SCN2A: variants seen among roughly 807,000 people sequenced by gnomAD.
SCN2A encodes sodium voltage-gated channel alpha subunit 2, also known as sodium channel protein type 2 subunit alpha.
SCN2A carries 20 observed loss-of-function variants against 188.7 expected under a neutral mutation model. That is an observed-to-expected ratio of 0.11 (90% CI 0.07 to 0.15). The LOEUF is 0.15. Among genes scored for constraint, SCN2A ranks in the 10% least tolerant of loss-of-function variants. The pLI, the probability that SCN2A is intolerant of heterozygous loss-of-function variation, is 1.00. For missense variants in SCN2A, 1,278 were observed against 2,445.0 expected (o/e 0.52, Z 10.07); for synonymous variants, 804 against 833.1 (o/e 0.97, Z 0.60).
At chr2:165,299,047 T>C (rs565699816) in intron 3 of SCN2A, among the ~76,000 whole-genome samples, 8 of 152,280 alleles carry the variant, frequency 5.3e-5, no homozygotes, top group African/African-American at 1.7e-4. Context: ...AAAGCAGATT[T>C]TTGTTTTAAA....
chr2:165,303,690 AT>A (rs1416391464), intron 3 of SCN2A, among the ~76,000 whole-genome samples: 1 of 152,162 alleles, frequency 6.6e-6, no homozygotes, highest in African/African-American at 2.4e-5. Context: ...AACTTAGTGA[AT>A]TTTAAGCCTT....
intron 16 of SCN2A, among the ~76,000 whole-genome samples, chr2:165,350,622 G>A (rs964606044): frequency 6.1e-5 from 9 of 147,354 alleles, no homozygotes; most frequent in Non-Finnish European, 9.0e-5. Flanking sequence ...ACAGGCGCCC[G>A]CCACTACACC....
In SCN2A at chr2:165,354,568, C is replaced by T; in HGVS notation, c.3296C>T (p.Pro1099Leu). 1 of 1,614,004 alleles carries T rather than the reference C, an allele frequency of 6.2e-7. No individual in the cohort carries two copies. The highest frequency in any genetic ancestry group is 8.5e-7 in the Non-Finnish European group (1 of 1,179,954). ...ESDYMSFINN[P>L]SLTVTVPIAV... ...GATTACATGTCATTTATAAACAACCCTAGCCTCACTGTGACAGTACCAATT... is the reference window on the plus strand; with the variant it reads ...GATTACATGTCATTTATAAACAACCTTAGCCTCACTGTGACAGTACCAATT... Residue 1099 changes from proline (P) to leucine (L), a missense_variant, in exon 17 of 27, where the codon CCT (proline) becomes CTT (leucine). Physicochemically the swap from Pro to Leu is moderately conservative, Grantham distance 98 (BLOSUM62 -3). Coordinates refer to ENST00000375437, the MANE Select transcript of SCN2A (RefSeq NM_001040142.2).
Position 165,384,678 on chromosome 2 carries a change from A to G in SCN2A, c.4552-2068A>G, listed in dbSNP as rs543365964. Among the ~76,000 whole-genome samples the G allele has an allele frequency of 4.6e-5, 7 of 152,266 alleles. No homozygotes were observed. The East Asian group carries it at 7.7e-4, about 17-fold the overall frequency. ...CAAGTGGAAGGGAAAGAAAACTAAAATTGAATAAGAGCAAACCATTTGCAA... is the reference window on the plus strand; with the variant it reads ...CAAGTGGAAGGGAAAGAAAACTAAAGTTGAATAAGAGCAAACCATTTGCAA... On this transcript the variant is annotated intron_variant, in intron 25 of 26. Coordinates refer to ENST00000375437, the MANE Select transcript of SCN2A (RefSeq NM_001040142.2).
intron 15 of SCN2A, among the ~76,000 whole-genome samples, chr2:165,343,722 C>T (rs1699429011): frequency 6.6e-6 from 1 of 152,078 alleles, no homozygotes. Flanking sequence ...GCTAATACAA[C>T]CAATATGTCA....
intron 14 of SCN2A, among the ~76,000 whole-genome samples, chr2:165,333,386 T>C (rs1250725894): frequency 4.6e-5 from 7 of 151,860 alleles, no homozygotes; most frequent in African/African-American, 1.7e-4. Context: ...TTCCCTAGGA[T>C]AAGTTATAGG....
chr2:165,388,720 T>A lies in SCN2A; in HGVS notation c.4914T>A (p.Arg1638=), dbSNP rs2060198. The A allele has an allele frequency of 0.28, 457,783 of 1,613,746 alleles. 66,873 individuals are homozygous for A. Among genetic ancestry groups the A allele is most frequent in the Middle Eastern group, 0.34 (2,039 of 6,060 alleles). Residue 1638 remains arginine, a synonymous_variant, in exon 27 of 27, where the codon CGT becomes CGA. Coordinates refer to ENST00000375437, the MANE Select transcript of SCN2A (RefSeq NM_001040142.2). ...TTGCCAGGATTGGCCGAATCCTACG[T>A]CTGATCAAAGGAGCAAAGGGGATCC... ...IRLARIGRIL[R]LIKGAKGIRT... is the part of the protein sequence containing the mutation.
chr2:165,328,425 T>C (rs1278906733), intron 13 of SCN2A: 1 of 949,428 alleles, frequency 1.1e-6, no homozygotes, highest in East Asian at 1.2e-4. Context: ...GAAGATTGTC[T>C]GGCCTTCCGC....
chr2:165,288,601 A>G (rs1197087044), intron 1 of SCN2A, among the ~76,000 whole-genome samples: 1 of 151,662 alleles, frequency 6.6e-6, no homozygotes, highest in Non-Finnish European at 1.5e-5. Flanking sequence ...ATATTCTACT[A>G]TTCTCTGTTT....
intron 1 of SCN2A, among the ~76,000 whole-genome samples, chr2:165,250,489 T>TCACACACA (rs3029614): frequency 4.0e-5 from 6 of 148,204 alleles, no homozygotes; most frequent in African/African-American, 9.9e-5. Flanking sequence ...TTGCTCTATT[T>TCACACACA]CACACACACA....
chr2:165,331,838 T>C (rs988018983), intron 14 of SCN2A, among the ~76,000 whole-genome samples: 1 of 152,122 alleles, frequency 6.6e-6, no homozygotes, highest in Non-Finnish European at 1.5e-5. Context: ...CATTGATCTA[T>C]AGCAAAATTC....
chr2:165,388,527 A>G (rs1701989154), intron 26 of SCN2A, 102 bp from the exon 27 acceptor site: 2 of 1,493,244 alleles, frequency 1.3e-6, no homozygotes, highest in Admixed American at 3.7e-5. Flanking sequence ...ACATGTACCT[A>G]ACTGTCCTGT....
At position 165,380,666 on chromosome 2, in the gene SCN2A, A is replaced by T. The variant is rs755616162; in HGVS notation, c.4383A>T (p.Ser1461=). Residue 1461 remains serine (S), a synonymous_variant, in exon 24 of 27, where the codon TCA becomes TCT. Coordinates refer to ENST00000375437, the MANE Select transcript of SCN2A (RefSeq NM_001040142.2). ...TTGTCATCTTTATTATTTTTGGTTC[A>T]TTCTTTACCTTGAATCTTTTCATTG... ...LYFVIFIIFG[S]FFTLNLFIGV... is the part of the protein sequence containing the mutation. 4 of 1,593,566 alleles carry T rather than the reference A, an allele frequency of 2.5e-6. No individual in the cohort carries two copies. Among genetic ancestry groups the T allele is most frequent in the Non-Finnish European group, 2.6e-6 (3 of 1,163,052 alleles).
intron 1 of SCN2A, among the ~76,000 whole-genome samples, chr2:165,282,020 T>C (rs353127): frequency 0.96 from 146,210 of 152,158 alleles, 70,497 homozygotes; most frequent in East Asian, 1. Context: ...TTCACCTTTT[T>C]CCAGCAACTA....
rs567007988 is a variant in SCN2A, at chr2:165,381,791, C to G, written c.4551+594C>G. On this transcript the variant is annotated intron_variant, in intron 25 of 26. Transcript: ENST00000375437. The stretch of plus-strand genomic sequence containing the variant: ...GTGTACATTTGCCAGTGATACTGTT[C>G]GTTCAGTTTGGCTGCTGCAGGGAGT... Among the ~76,000 whole-genome samples, 13 of 151,994 alleles carry G rather than the reference C, an allele frequency of 8.6e-5. No homozygotes were observed. In the East Asian group the frequency reaches 2.5e-3, roughly 29 times the overall value.
intron 21 of SCN2A, among the ~76,000 whole-genome samples, chr2:165,373,728 A>G (rs539225190): frequency 3.3e-5 from 5 of 152,146 alleles, no homozygotes; most frequent in Non-Finnish European, 7.3e-5. Flanking sequence ...GCTGTGATAC[A>G]CTTTGAGCCT....
chr2:165,273,070 A>G lies in SCN2A; in HGVS notation c.-51-22703A>G, dbSNP rs1239383089. On this transcript the variant is annotated intron_variant, in intron 1 of 26. Transcript: ENST00000375437. ...AAGTCATTGGATCTTGGTTCAACCA[A>G]TGGGAATAGATCCTTTCAAAATGCC... 8 of 152,264 alleles carry G rather than the reference A, an allele frequency of 5.3e-5. No individual in the cohort carries two copies. In the Middle Eastern group the frequency reaches 0.01, roughly 194 times the overall value. The allele number at this position is 152,264 out of a possible 1,614,324, so 9.4% of individuals were successfully genotyped here. A position where few individuals can be genotyped will look rare whatever the true frequency, so the allele number is the denominator to read the frequency against.
intron 23 of SCN2A, among the ~76,000 whole-genome samples, chr2:165,378,989 C>T (rs1194866943): frequency 3.3e-5 from 5 of 151,656 alleles, no homozygotes; most frequent in African/African-American, 7.3e-5. Flanking sequence ...TAAGAACACT[C>T]GTACAATGCT....
intron 1 of SCN2A, among the ~76,000 whole-genome samples, chr2:165,251,630 A>C (rs1183362708): frequency 1.3e-5 from 2 of 151,390 alleles, no homozygotes; most frequent in African/African-American, 2.4e-5. Context: ...AGTGGCCCCT[A>C]CTCCCTCTGA....
Sources: gnomAD v4.1 joint callset for allele counts (sites outside exome capture counted in the v4.1 genomes callset) on GRCh38, gnomAD v4.1.1 for gene constraint, MANE v1.5 for transcripts, NCBI Gene and HGNC (gene_info 2026-07-23, HGNC 2026-07-21) for gene names.